Variants in PRKCD observed in about 807,000 individuals in gnomAD.
PRKCD encodes the protein protein kinase C delta, also known as protein kinase C delta type.
Under a neutral mutation model 82.2 loss-of-function variants are expected in PRKCD, and 20 were observed. That is an observed-to-expected ratio of 0.24 (90% CI 0.17 to 0.35). The LOEUF is 0.35. Among genes scored for constraint, PRKCD ranks in the 10% least tolerant of loss-of-function variants. The pLI is 1.00. For synonymous variants in PRKCD, 317 were observed against 337.0 expected (o/e 0.94, Z 0.65); for missense variants, 607 against 899.0 (o/e 0.68, Z 4.15).
At position 53,184,966 on chromosome 3, in the gene PRKCD, G is replaced by T. The variant is rs782446907; in HGVS notation, c.880G>T (p.Val294Phe). 1 of 1,614,000 alleles carries T rather than the reference G, an allele frequency of 6.2e-7. No homozygotes were observed. The highest frequency in any genetic ancestry group is 1.1e-5 in the South Asian group (1 of 91,080). ...GCTTTTGGCTGAGGCCTTGAACCAA[G>T]TCACCCAGGTGGGCAGGTGCCATGG... The part of the protein sequence containing the change: ...QKLLAEALNQ[V>F]TQRASRRSDS... Residue 294 changes from valine to phenylalanine, a missense_variant, in exon 10 of 19, where the codon GTC (valine) becomes TTC (phenylalanine). Physicochemically the swap from Val to Phe is conservative, Grantham distance 50. Transcript: ENST00000330452.
intron 7 of PRKCD, chr3:53,182,075 C>T: frequency 2.2e-6 from 1 of 452,636 alleles, no homozygotes; most frequent in Non-Finnish European, 4.3e-6. Flanking sequence ...CACATAGTGG[C>T]TGCATGTGCT....
intron 2 of PRKCD, among the ~76,000 whole-genome samples, chr3:53,170,853 G>A (rs1294809937): frequency 6.6e-6 from 1 of 152,200 alleles, no homozygotes; most frequent in Non-Finnish European, 1.5e-5. Flanking sequence ...CTCCACGTGC[G>A]TGTGGAGCCT....
chr3:53,192,154 A>C lies in PRKCD; in HGVS notation c.1919A>C (p.Glu640Ala). ...AACTTTGACCAGGAGTTCCTGAACG[A>C]GAAGGCGCGCCTCTCCTACAGCGAC... Reference protein sequence around the residue: ...YSNFDQEFLNEKARLSYSDKN... With the variant: ...YSNFDQEFLNAKARLSYSDKN... Residue 640 changes from glutamate to alanine, a missense_variant, in exon 19 of 19, where the codon GAG (glutamate) becomes GCG (alanine). By Grantham distance (107) the Glu-to-Ala change is moderately radical. Coordinates refer to ENST00000330452, the MANE Select transcript of PRKCD (RefSeq NM_006254.4). 1.2e-6 allele frequency: 2 copies of C among 1,614,074 alleles called. No individual in the cohort carries two copies. The highest frequency in any genetic ancestry group is 1.7e-6 in the Non-Finnish European group (2 of 1,180,008).
Position 53,188,866 on chromosome 3 carries a change from G to T in PRKCD, c.1554+8G>T. 1 of 1,613,766 alleles carries T rather than the reference G, an allele frequency of 6.2e-7. No individual in the cohort carries two copies. The highest frequency in any genetic ancestry group is 8.5e-7 in the Non-Finnish European group (1 of 1,179,814). On this transcript the variant is annotated splice_region_variant and intron_variant, in intron 16 of 18. Coordinates refer to ENST00000330452, the MANE Select transcript of PRKCD (RefSeq NM_006254.4). ...GACTATATCGCCCCTGAGGTGAGCC[G>T]ATACCCTTCCAGCCCCCCGCTCAGT...
chr3:53,178,386 A>T lies in PRKCD; in HGVS notation c.-19-18A>T. 1.9e-6 allele frequency: 3 copies of T among 1,576,688 alleles called. No individual in the cohort carries two copies. The highest frequency in any genetic ancestry group is 2.6e-6 in the Non-Finnish European group (3 of 1,153,334). ...TGGTCCCGCCCGGCCGCCTGGCCTC[A>T]CCCCTCTGTGTGCACAGCCCCACTG... On this transcript the variant is annotated intron_variant, in intron 2 of 18. Coordinates refer to ENST00000330452, the MANE Select transcript of PRKCD (RefSeq NM_006254.4).
chr3:53,188,620 A>G, intron 15 of PRKCD, 100 bp from the exon 16 acceptor site: 1 of 1,450,870 alleles, frequency 6.9e-7, no homozygotes, highest in Non-Finnish European at 9.5e-7. Context: ...ACCCTTGGGG[A>G]CAGTCCTGGA....
chr3:53,182,203 A>G (rs6776583), intron 7 of PRKCD, among the ~76,000 whole-genome samples: 2,057 of 152,052 alleles, frequency 0.014, 46 homozygotes, highest in African/African-American at 0.047. Flanking sequence ...TCCCAGCTCT[A>G]CCACTTCCTA....
chr3:53,182,025 C>G (rs1294159113), intron 7 of PRKCD: 1 of 594,492 alleles, frequency 1.7e-6, no homozygotes, highest in African/African-American at 1.8e-5. Context: ...ATGCACCAGG[C>G]CTCTTTTCCT....
chr3:53,161,645 C>G (rs1553662975), intron 1 of PRKCD: 1 of 152,054 alleles, frequency 6.6e-6, no homozygotes, highest in African/African-American at 2.4e-5. Context: ...CTTCTGTCTG[C>G]CCGCTCCCGG....
intron 3 of PRKCD, 76 bp downstream of exon 3, chr3:53,178,613 T>C: frequency 8.0e-7 from 1 of 1,251,582 alleles, no homozygotes; most frequent in Non-Finnish European, 1.1e-6. Context: ...GGGCCTGGCC[T>C]TGTTCCCTGC....
In PRKCD at chr3:53,181,438, C is replaced by A. The variant is rs1703435989; in HGVS notation, c.377-6C>A. On this transcript the variant is annotated splice_region_variant and splice_polypyrimidine_tract_variant and intron_variant, in intron 5 of 18. Transcript: ENST00000330452. The stretch of plus-strand genomic sequence containing the variant: ...AGGGCTGACTTCCCTACTCCATGGT[C>A]ACCAGATTGCAAACAGTCTATGCGC... 1.9e-6 allele frequency: 3 copies of A among 1,614,146 alleles called. No homozygotes were observed. Among genetic ancestry groups the A allele is most frequent in the South Asian group, 1.1e-5 (1 of 91,082 alleles).
At position 53,192,179 on chromosome 3, in the gene PRKCD, C is replaced by T; in HGVS notation, c.1944C>T (p.Asp648=). 26 of 1,614,030 alleles carry T rather than the reference C, an allele frequency of 1.6e-5. No individual in the cohort carries two copies. Among genetic ancestry groups the T allele is most frequent in the Non-Finnish European group, 2.2e-5 (26 of 1,179,954 alleles). Residue 648 remains aspartate (D), a synonymous_variant, in exon 19 of 19, where the codon GAC becomes GAT. Transcript: ENST00000330452. The part of the protein sequence containing the change: ...LNEKARLSYS[D]KNLIDSMDQS... ...AGAAGGCGCGCCTCTCCTACAGCGA[C>T]AAGAACCTCATCGACTCCATGGACC...
intron 17 of PRKCD, 88 bp downstream of exon 17, chr3:53,189,334 T>G (rs1386026401): frequency 5.8e-6 from 8 of 1,375,112 alleles, no homozygotes; most frequent in Non-Finnish European, 7.8e-6. Flanking sequence ...GAGCTTCCTG[T>G]CTCTGGAATG....
At position 53,192,282 on chromosome 3, in the gene PRKCD, C is replaced by A. The variant is rs781948960; in HGVS notation, c.*16C>A. The A allele has an allele frequency of 3.1e-6, 5 of 1,612,990 alleles. No individual in the cohort carries two copies. The Admixed American group carries it at 8.3e-5, about 27-fold the overall frequency. On this transcript the variant is annotated 3_prime_UTR_variant, in exon 19 of 19. Transcript: ENST00000330452. ...GGAAGATTGAGGTTCCTGGACAGAT[C>A]AGGCTAGCCCTGCCCTCCACCCACA... is the stretch of plus-strand genomic sequence containing the variant.
At chr3:53,172,427 C>T (rs1703069025) in intron 2 of PRKCD, among the ~76,000 whole-genome samples, 1 of 152,206 alleles carries the variant, frequency 6.6e-6, no homozygotes, top group Non-Finnish European at 1.5e-5. Context: ...GCTGATCACA[C>T]TTCCTCTCAC....
In PRKCD at chr3:53,179,684, C is replaced by A. The variant is rs1328750300; in HGVS notation, c.223C>A (p.Arg75=). The A allele has an allele frequency of 5.0e-6, 8 of 1,611,518 alleles. No individual in the cohort carries two copies. Among genetic ancestry groups the A allele is most frequent in the Non-Finnish European group, 6.8e-6 (8 of 1,178,634 alleles). ...GCGCGTCATCCAGATTGTGCTAATGCGGGCAGCAGAGGAGCCAGTGTCTGA... is the reference window on the plus strand; with the variant it reads ...GCGCGTCATCCAGATTGTGCTAATGAGGGCAGCAGAGGAGCCAGTGTCTGA... ...EGRVIQIVLM[R]AAEEPVSEVT... is the part of the protein sequence containing the mutation. The change falls in exon 4 of 19, where the codon CGG becomes AGG. Residue 75 remains arginine, a synonymous_variant. Transcript: ENST00000330452.
intron 14 of PRKCD, 132 bp from the exon 15 acceptor site, chr3:53,187,208 T>C (rs1703737452): frequency 9.7e-7 from 1 of 1,028,680 alleles, no homozygotes; most frequent in East Asian, 2.4e-5. Context: ...AAGATGTACT[T>C]GATCATGCTC....
intron 4 of PRKCD, 52 bp downstream of exon 4, chr3:53,179,828 G>C (rs1703369708): frequency 6.5e-7 from 1 of 1,542,818 alleles, no homozygotes; most frequent in South Asian, 1.2e-5. Context: ...GTCTGTGTGT[G>C]TGTGCATGCG....
intron 2 of PRKCD, among the ~76,000 whole-genome samples, chr3:53,173,100 G>A (rs186243535): frequency 2.0e-5 from 3 of 152,366 alleles, no homozygotes; most frequent in Admixed American, 6.5e-5. Context: ...AGTTACATGT[G>A]ATGCAGAAAA....
Sources: allele counts gnomAD v4.1 joint callset (sites outside exome capture counted in the v4.1 genomes callset), GRCh38; gene constraint gnomAD v4.1.1; transcripts MANE v1.5; gene names NCBI Gene and HGNC (gene_info 2026-07-23, HGNC 2026-07-21).